The following NDST3 variants were observed in gnomAD, a reference collection of about 807,000 sequenced individuals.
The protein encoded by NDST3 is N-deacetylase and N-sulfotransferase 3, also known as bifunctional heparan sulfate N-deacetylase/N-sulfotransferase 3.
NDST3 carries 58 observed loss-of-function variants against 96.1 expected under a neutral mutation model. That is an observed-to-expected ratio of 0.60 (90% CI 0.49 to 0.75). The LOEUF (loss-of-function observed/expected upper bound fraction) is 0.75. Ranked by LOEUF, NDST3 falls within the 30% of genes least tolerant of loss-of-function variation. The probability of loss-of-function intolerance (pLI) is 0.00; values close to 1 mark genes in which losing one functional copy is unlikely to be tolerated. For synonymous variants in NDST3, 333 were observed against 359.7 expected (o/e 0.93, Z 0.84); for missense variants, 788 against 1,034.2 (o/e 0.76, Z 3.27).
intron 6 of NDST3, among the ~76,000 whole-genome samples, chr4:118,203,227 G>A (rs1738210727): frequency 6.6e-6 from 1 of 152,064 alleles, no homozygotes; most frequent in South Asian, 2.1e-4. Context: ...GTATTTTGTT[G>A]AGGATTTTCA....
intron 4 of NDST3, among the ~76,000 whole-genome samples, chr4:118,119,181 G>A (rs1371342119): frequency 6.6e-6 from 1 of 152,046 alleles, no homozygotes; most frequent in Non-Finnish European, 1.5e-5. Context: ...AAGTGCAGCA[G>A]AACCTGTTAA....
intron 6 of NDST3, among the ~76,000 whole-genome samples, chr4:118,149,690 G>C (rs529017457): frequency 1.0e-3 from 157 of 150,338 alleles, no homozygotes; most frequent in African/African-American, 3.7e-3. Flanking sequence ...ATACAATCAT[G>C]TCGTCTGCAA....
chr4:118,249,801 T>A (rs1459896483), intron 12 of NDST3, among the ~76,000 whole-genome samples: 3 of 152,090 alleles, frequency 2.0e-5, no homozygotes, highest in African/African-American at 7.2e-5. Flanking sequence ...TGTTAATGTA[T>A]AATTTACATA....
At chr4:118,225,328 C>T (rs1295555958) in intron 7 of NDST3, among the ~76,000 whole-genome samples, 1 of 152,110 alleles carries the variant, frequency 6.6e-6, no homozygotes, top group Non-Finnish European at 1.5e-5. Context: ...TTTAAATTGT[C>T]CACTCCATGA....
intron 4 of NDST3, among the ~76,000 whole-genome samples, chr4:118,119,034 T>C (rs1731337167): frequency 6.6e-6 from 1 of 152,214 alleles, no homozygotes; most frequent in Admixed American, 6.5e-5. Context: ...TGATACTTAA[T>C]GCTTTTATAG....
intron 6 of NDST3, among the ~76,000 whole-genome samples, chr4:118,220,387 G>A (rs1209012554): frequency 6.6e-6 from 1 of 151,916 alleles, no homozygotes; most frequent in Non-Finnish European, 1.5e-5. Flanking sequence ...TCACTCATAA[G>A]AGGTAGTTGA....
chr4:118,253,383 T>G, intron 12 of NDST3, 116 bp from the exon 13 acceptor site: 1 of 585,350 alleles, frequency 1.7e-6, no homozygotes, highest in East Asian at 2.7e-5. Flanking sequence ...TAGATTGTTA[T>G]CCAAATAAAA....
intron 2 of NDST3, among the ~76,000 whole-genome samples, chr4:118,086,132 T>C (rs1343077083): frequency 6.6e-6 from 1 of 152,212 alleles, no homozygotes; most frequent in African/African-American, 2.4e-5. Flanking sequence ...GACTTTCTCA[T>C]AGCTTTTTCA....
At chr4:118,201,127 A>G (rs561453613) in intron 6 of NDST3, among the ~76,000 whole-genome samples, 1 of 152,236 alleles carries the variant, frequency 6.6e-6, no homozygotes, top group South Asian at 2.1e-4. Flanking sequence ...TCATTTTTTT[A>G]TAACTGTGTA....
chr4:118,089,071 A>G (rs928700901), intron 2 of NDST3, among the ~76,000 whole-genome samples: 2 of 152,020 alleles, frequency 1.3e-5, no homozygotes, highest in Non-Finnish European at 1.5e-5. Context: ...AAGTATTTTG[A>G]AAGTTTCTTA....
intron 4 of NDST3, among the ~76,000 whole-genome samples, chr4:118,127,606 A>G (rs936978308): frequency 7.2e-5 from 11 of 152,038 alleles, no homozygotes; most frequent in Non-Finnish European, 1.6e-4. Context: ...TCCTTAGTAT[A>G]ACGTGAAATC....
At chr4:118,220,148 A>G (rs1017888348) in intron 6 of NDST3, among the ~76,000 whole-genome samples, 1 of 152,044 alleles carries the variant, frequency 6.6e-6, no homozygotes, top group Admixed American at 6.6e-5. Context: ...TATAAAGACA[A>G]ATGAACACGT....
At chr4:118,061,980 T>A (rs1725932276) in intron 2 of NDST3, among the ~76,000 whole-genome samples, 1 of 152,116 alleles carries the variant, frequency 6.6e-6, no homozygotes, top group African/African-American at 2.4e-5. Context: ...AACAGCTGGA[T>A]TGGTTACAGG....
chr4:118,137,989 C>A (rs1023116796), intron 4 of NDST3, 65 bp from the exon 5 acceptor site: 1 of 1,320,672 alleles, frequency 7.6e-7, no homozygotes, highest in Admixed American at 2.4e-5. Flanking sequence ...ATTTGAAAAT[C>A]TTACTGTAAA....
intron 1 of NDST3, among the ~76,000 whole-genome samples, chr4:118,035,328 A>AC (rs1724085132): frequency 1.3e-5 from 2 of 152,126 alleles, no homozygotes; most frequent in East Asian, 1.9e-4. Context: ...TTAGAAGAAA[A>AC]CCCTTCTAGA....
At chr4:118,225,226 A>G (rs1395461828) in intron 7 of NDST3, among the ~76,000 whole-genome samples, 22 of 152,154 alleles carry the variant, frequency 1.4e-4, no homozygotes, top group Admixed American at 1.4e-3. Context: ...TAAATACCAC[A>G]TGAATACAGC....
At chr4:118,197,854 C>G (rs185305550) in intron 6 of NDST3, among the ~76,000 whole-genome samples, 3 of 144,172 alleles carry the variant, frequency 2.1e-5, no homozygotes, top group Non-Finnish European at 4.5e-5. Context: ...GGCTGGAGTA[C>G]GGTGGCACGA....
At chr4:118,142,610 A>G (rs1006972007) in intron 5 of NDST3, among the ~76,000 whole-genome samples, 1 of 152,146 alleles carries the variant, frequency 6.6e-6, no homozygotes, top group African/African-American at 2.4e-5. Flanking sequence ...ACTTAGGACA[A>G]TAAGCAGAAG....
At chr4:118,110,923 T>C (rs1730582910) in intron 3 of NDST3, among the ~76,000 whole-genome samples, 1 of 152,072 alleles carries the variant, frequency 6.6e-6, no homozygotes, top group African/African-American at 2.4e-5. Flanking sequence ...TAGGTGTCCA[T>C]CAATGGTGGA....
Sources: allele counts gnomAD v4.1 joint callset (sites outside exome capture counted in the v4.1 genomes callset), GRCh38; gene constraint gnomAD v4.1.1; transcripts MANE v1.5; gene names NCBI Gene and HGNC (gene_info 2026-07-23, HGNC 2026-07-21).